PRTFDC1: variants seen among roughly 807,000 people sequenced by gnomAD.
PRTFDC1 encodes the protein phosphoribosyl transferase domain containing 1, also known as phosphoribosyltransferase domain-containing protein 1.
In PRTFDC1, 38 loss-of-function variants were observed where a neutral mutation model predicts 34.6. That is an observed-to-expected ratio of 1.10 (90% confidence interval 0.85 to 1.44). The LOEUF is 1.44. PRTFDC1 is among the 40% of genes most tolerant of loss of function. The pLI is 0.00. For missense variants in PRTFDC1, 270 were observed against 283.0 expected (o/e 0.95, Z 0.33); for synonymous variants, 93 against 98.1 (o/e 0.95, Z 0.31).
Position 24,906,126 on chromosome 10 carries a change from C to T in PRTFDC1, c.339+31058G>A, listed in dbSNP as rs76845336. ...TGGTCCTGTCACCTCCCATGCATGG[C>T]GTGCTCCTTCCATCCCAGATCAGGC... On this transcript the variant is annotated intron_variant, in intron 3 of 8. Coordinates refer to ENST00000320152, the MANE Select transcript of PRTFDC1 (RefSeq NM_020200.7). 9.8e-3 allele frequency among the ~76,000 whole-genome samples: 1,494 copies of T among 152,206 alleles called. 28 individuals carry two copies. Among genetic ancestry groups the T allele is most frequent in the African/African-American group, 0.034 (1,424 of 41,512 alleles).
At chr10:24,923,071 G>A (rs1588615962) in intron 3 of PRTFDC1, among the ~76,000 whole-genome samples, 1 of 152,338 alleles carries the variant, frequency 6.6e-6, no homozygotes, top group East Asian at 1.9e-4. Context: ...AAATCAACCT[G>A]TGATGCTGTA....
At chr10:24,942,810 G>C (rs1418534669) in intron 1 of PRTFDC1, among the ~76,000 whole-genome samples, 2 of 152,208 alleles carry the variant, frequency 1.3e-5, no homozygotes, top group Non-Finnish European at 2.9e-5. Context: ...ACTACGCCCA[G>C]ATAATTTCTG....
At chr10:24,935,197 C>T (rs1376881193) in intron 3 of PRTFDC1, among the ~76,000 whole-genome samples, 1 of 151,984 alleles carries the variant, frequency 6.6e-6, no homozygotes. Context: ...TGCATGTAAA[C>T]GGTGGCTCAA....
intron 3 of PRTFDC1, among the ~76,000 whole-genome samples, chr10:24,888,504 A>G (rs1387409477): frequency 6.6e-6 from 1 of 152,236 alleles, no homozygotes; most frequent in Non-Finnish European, 1.5e-5. Flanking sequence ...GGGAGCGGAC[A>G]TGGGAGTGAA....
At chr10:24,870,892 T>G (rs1847857640) in intron 4 of PRTFDC1, among the ~76,000 whole-genome samples, 1 of 151,686 alleles carries the variant, frequency 6.6e-6, no homozygotes, top group Non-Finnish European at 1.5e-5. Flanking sequence ...GCCAACATGG[T>G]GAAACCCCGT....
intron 3 of PRTFDC1, among the ~76,000 whole-genome samples, chr10:24,910,628 T>A (rs1848611629): frequency 6.6e-6 from 1 of 152,096 alleles, no homozygotes; most frequent in Non-Finnish European, 1.5e-5. Flanking sequence ...AAACCCAGCA[T>A]ACAAAAATAC....
intron 2 of PRTFDC1, 112 bp from the exon 3 acceptor site, chr10:24,937,479 GA>G: frequency 1.0e-6 from 1 of 982,728 alleles, no homozygotes; most frequent in Non-Finnish European, 1.4e-6. Flanking sequence ...GGAATGTGGG[GA>G]AAACCTTGGG....
chr10:24,884,139 G>A (rs555542089), intron 3 of PRTFDC1, among the ~76,000 whole-genome samples: 2 of 147,054 alleles, frequency 1.4e-5, no homozygotes, highest in African/African-American at 5.0e-5. Flanking sequence ...GCCAAGAGAC[G>A]ATTTTCTCCA....
chr10:24,861,918 C>T (rs1360220907), intron 4 of PRTFDC1, among the ~76,000 whole-genome samples: 2 of 151,840 alleles, frequency 1.3e-5, no homozygotes, highest in East Asian at 3.9e-4. Flanking sequence ...GGATTACAGG[C>T]ATGAGCCACT....
intron 3 of PRTFDC1, among the ~76,000 whole-genome samples, chr10:24,920,660 G>A (rs748290144): frequency 8.5e-5 from 13 of 152,050 alleles, no homozygotes; most frequent in Non-Finnish European, 1.5e-4. Context: ...AAACCTGCAC[G>A]TCCTGCACAT....
rs1335716543 is a variant in PRTFDC1 at position 24,904,845 on chromosome 10, C to T, written c.339+32339G>A. Among the ~76,000 whole-genome samples the T allele has an allele frequency of 2.6e-5, 4 of 152,128 alleles. No homozygotes were observed. In the East Asian group the frequency reaches 7.7e-4, roughly 29 times the overall value. On this transcript the variant is annotated intron_variant, in intron 3 of 8. Coordinates refer to ENST00000320152, the MANE Select transcript of PRTFDC1 (RefSeq NM_020200.7). ...CCACCTTCAACCCCATTTCATATTC[C>T]CTAGTCAATCCCTTCCATAGTGTCA...
intron 3 of PRTFDC1, among the ~76,000 whole-genome samples, chr10:24,927,642 C>T (rs1191361673): frequency 7.1e-6 from 1 of 141,802 alleles, no homozygotes; most frequent in Non-Finnish European, 1.5e-5. Context: ...AGTGCAGTGG[C>T]GCAGTCTTGG....
chr10:24,934,438 G>A (rs11818463), intron 3 of PRTFDC1, among the ~76,000 whole-genome samples: 16 of 152,094 alleles, frequency 1.1e-4, no homozygotes, highest in Middle Eastern at 6.8e-3. Flanking sequence ...GACATGCCTC[G>A]TGATCCCCTC....
intron 3 of PRTFDC1, among the ~76,000 whole-genome samples, chr10:24,933,358 T>C (rs1848997470): frequency 1.3e-5 from 2 of 151,608 alleles, no homozygotes; most frequent in Admixed American, 6.6e-5. Context: ...TAATAAAAAA[T>C]TCATGGCCAA....
At chr10:24,908,324 A>T (rs1848568076) in intron 3 of PRTFDC1, 1 of 793,430 alleles carries the variant, frequency 1.3e-6, no homozygotes, top group South Asian at 2.3e-5. Flanking sequence ...CAATATTTTT[A>T]TCCAGCATGT....
chr10:24,929,242 A>G (rs1433052468), intron 3 of PRTFDC1, among the ~76,000 whole-genome samples: 1 of 151,962 alleles, frequency 6.6e-6, no homozygotes, highest in Non-Finnish European at 1.5e-5. Context: ...ACTGATTTAA[A>G]CCCTTTGTTC....
intron 3 of PRTFDC1, among the ~76,000 whole-genome samples, chr10:24,936,556 G>T (rs1849054454): frequency 6.6e-6 from 1 of 152,180 alleles, no homozygotes; most frequent in East Asian, 1.9e-4. Flanking sequence ...AAAGTGTTGG[G>T]ATTATATGCA....
chr10:24,942,571 CA>C, intron 1 of PRTFDC1, 135 bp from the exon 2 acceptor site: 2 of 698,946 alleles, frequency 2.9e-6, no homozygotes, highest in East Asian at 5.2e-5. Flanking sequence ...TTTGTTTCCA[CA>C]ACCTGATACA....
intron 3 of PRTFDC1, among the ~76,000 whole-genome samples, chr10:24,916,761 GTT>G (rs1400451849): frequency 6.7e-6 from 1 of 150,170 alleles, no homozygotes; most frequent in Non-Finnish European, 1.5e-5. Flanking sequence ...TTCTTTTCTC[GTT>G]TTGTTTTATT....
Sources: gnomAD v4.1 joint callset for allele counts (sites outside exome capture counted in the v4.1 genomes callset) on GRCh38, gnomAD v4.1.1 for gene constraint, MANE v1.5 for transcripts, NCBI Gene and HGNC (gene_info 2026-07-23, HGNC 2026-07-21) for gene names.